FBXL2: variants seen among roughly 807,000 people sequenced by gnomAD.
FBXL2 encodes F-box and leucine rich repeat protein 2, also known as F-box/LRR-repeat protein 2.
A neutral mutation model predicts 69.2 loss-of-function variants in FBXL2; 38 were observed. That is an observed-to-expected ratio of 0.55 (90% CI 0.42 to 0.72). The LOEUF (loss-of-function observed/expected upper bound fraction) is 0.72. FBXL2 is among the 30% of genes least tolerant of loss of function. FBXL2 has a pLI of 0.00. For synonymous variants in FBXL2, 192 were observed against 201.3 expected, an observed-to-expected ratio of 0.95 and a Z score of 0.39; for missense variants, 354 against 520.3, an observed-to-expected ratio of 0.68 and a Z score of 3.11.
chr3:33,355,413 C>G (rs2041130848), intron 2 of FBXL2, among the ~76,000 whole-genome samples: 1 of 151,946 alleles, frequency 6.6e-6, no homozygotes, highest in Non-Finnish European at 1.5e-5. Context: ...TCAATTATTC[C>G]CAAATTTTCT....
At chr3:33,417,922 C>G in the FBXL2 span, among the ~76,000 whole-genome samples, 5 of 152,264 alleles carry the variant, frequency 3.3e-5, no homozygotes, top group Admixed American at 3.3e-4. Flanking sequence ...CACTCCAAGG[C>G]TGGTGAAGGA....
chr3:33,410,381 T>C, the FBXL2 span, among the ~76,000 whole-genome samples: 1 of 151,918 alleles, frequency 6.6e-6, no homozygotes, highest in African/African-American at 2.4e-5. Context: ...AGCCAGGTCT[T>C]GTATCACTTT....
At chr3:33,303,014 G>C in intron 2 of FBXL2, 1 of 456,374 alleles carries the variant, frequency 2.2e-6, no homozygotes, top group Non-Finnish European at 4.4e-6. Flanking sequence ...GTACAGTAAA[G>C]GGCTCATTCC....
chr3:33,396,994 G>A (rs746998490), intron 12 of FBXL2: 27 of 1,526,946 alleles, frequency 1.8e-5, no homozygotes, highest in African/African-American at 9.6e-5. Flanking sequence ...AATTCCCCAC[G>A]CGAAGAAAGG....
At chr3:33,330,911 AC>A (rs1369870673) in intron 2 of FBXL2, among the ~76,000 whole-genome samples, 1 of 148,052 alleles carries the variant, frequency 6.8e-6, no homozygotes. Flanking sequence ...ACACACACAC[AC>A]AAACACACAC....
intron 13 of FBXL2, among the ~76,000 whole-genome samples, chr3:33,379,738 GAAGC>G (rs1458143981): frequency 1.4e-5 from 2 of 148,108 alleles, no homozygotes; most frequent in African/African-American, 5.0e-5. Flanking sequence ...CATAAACATA[GAAGC>G]AAGTATCTGT....
intron 6 of FBXL2, 41 bp from the exon 7 acceptor site, chr3:33,373,219 A>G (rs776917085): frequency 1.2e-6 from 2 of 1,611,616 alleles, no homozygotes; most frequent in Non-Finnish European, 8.5e-7. Context: ...AGGGAGAGAA[A>G]CGTGGTTGAA....
chr3:33,390,005 T>C (rs1447455299), downstream of FBXL2: 1 of 292,260 alleles, frequency 3.4e-6, no homozygotes, highest in African/African-American at 2.1e-5. Context: ...CCAAACCGCA[T>C]ACAGTGTAAA....
intron 2 of FBXL2, among the ~76,000 whole-genome samples, chr3:33,350,433 A>ATT (rs60005264): frequency 9.4e-4 from 137 of 145,368 alleles, no homozygotes; most frequent in African/African-American, 1.7e-3. Context: ...TAACATCATA[A>ATT]TTTTTTTTTT....
chr3:33,409,182 G>C, the FBXL2 span: 1 of 1,534,900 alleles, frequency 6.5e-7, no homozygotes, highest in Middle Eastern at 2.2e-4. Context: ...CTTAGAAATA[G>C]ACTAATATGC....
intron 12 of FBXL2, among the ~76,000 whole-genome samples, chr3:33,393,674 A>T (rs898133935): frequency 2.0e-5 from 3 of 152,228 alleles, no homozygotes; most frequent in Admixed American, 2.0e-4. Context: ...ATATCCACAA[A>T]TATAATTTAA....
At chr3:33,315,187 C>A (rs1170996715) in intron 2 of FBXL2, among the ~76,000 whole-genome samples, 5 of 151,652 alleles carry the variant, frequency 3.3e-5, no homozygotes, top group Non-Finnish European at 7.4e-5. Flanking sequence ...TTCATTCTTT[C>A]CTTTCTTTTC....
At chr3:33,384,483 C>T (rs967204254) in intron 14 of FBXL2, among the ~76,000 whole-genome samples, 6 of 152,202 alleles carry the variant, frequency 3.9e-5, no homozygotes, top group South Asian at 2.1e-4. Context: ...ATCACCCGAA[C>T]CTGGGAAGCA....
chr3:33,363,637 GGTT>G lies in FBXL2; in HGVS notation c.196-982_196-980del, dbSNP rs2154042933. Among the ~76,000 whole-genome samples the G allele has an allele frequency of 1.3e-5, 2 of 152,248 alleles. 1 individual carries two copies. Among genetic ancestry groups the G allele is most frequent in the South Asian group, 4.1e-4 (2 of 4,826 alleles). On this transcript the variant is annotated intron_variant, in intron 4 of 14. Coordinates refer to ENST00000484457, the MANE Select transcript of FBXL2 (RefSeq NM_012157.5). Reference sequence around the variant, plus strand: ...GTCATTAATAGTCGTGCTTGGATTGGGTTGTTGTAGTTTGCTACTGACATAAAT... The same window carrying G: ...GTCATTAATAGTCGTGCTTGGATTGGGTTGTAGTTTGCTACTGACATAAAT...
chr3:33,401,893 C>T (rs2044242230), intron 12 of FBXL2, among the ~76,000 whole-genome samples: 1 of 152,158 alleles, frequency 6.6e-6, no homozygotes, highest in Admixed American at 6.5e-5. Flanking sequence ...ACATGGTAAC[C>T]TACTGGTCCT....
At chr3:33,305,020 T>C (rs1253367490) in intron 2 of FBXL2, among the ~76,000 whole-genome samples, 1 of 152,054 alleles carries the variant, frequency 6.6e-6, no homozygotes, top group Non-Finnish European at 1.5e-5. Flanking sequence ...ATATTCTCAG[T>C]ATAATCTTTG....
At chr3:33,293,144 C>G (rs1051441850) in intron 1 of FBXL2, among the ~76,000 whole-genome samples, 2 of 152,230 alleles carry the variant, frequency 1.3e-5, no homozygotes, top group African/African-American at 4.8e-5. Flanking sequence ...GTGTGAGCCA[C>G]TGCACCTAGC....
At chr3:33,407,142 T>C (rs2044448541), downstream of FBXL2, among the ~76,000 whole-genome samples, 1 of 152,190 alleles carries the variant, frequency 6.6e-6, no homozygotes, top group South Asian at 2.1e-4. Flanking sequence ...AGATGAGCTC[T>C]AACCACCCCT....
At chr3:33,309,185 A>G (rs1000955321) in intron 2 of FBXL2, among the ~76,000 whole-genome samples, 20 of 152,128 alleles carry the variant, frequency 1.3e-4, no homozygotes, top group African/African-American at 4.3e-4. Context: ...TACTATCTCT[A>G]TCTACTATTT....
Sources: gnomAD v4.1 joint callset for allele counts (sites outside exome capture counted in the v4.1 genomes callset) on GRCh38, gnomAD v4.1.1 for gene constraint, MANE v1.5 for transcripts, NCBI Gene and HGNC (gene_info 2026-07-23, HGNC 2026-07-21) for gene names.